PDGFRL: variants seen among roughly 807,000 people sequenced by gnomAD.
PDGFRL encodes platelet-derived growth factor receptor-like protein.
PDGFRL carries 46 observed loss-of-function variants against 37.2 expected under a neutral mutation model. The ratio of observed to expected loss-of-function variants is 1.24; its 90% confidence interval spans 0.98 to 1.58. The LOEUF (loss-of-function observed/expected upper bound fraction) is 1.58. Ranked by LOEUF, PDGFRL falls within the 40% of genes most tolerant of loss-of-function variation. The pLI is 0.00. For missense variants in PDGFRL, 692 were observed against 467.6 expected, an observed-to-expected ratio of 1.48 and a Z score of -4.43; for synonymous variants, 251 against 184.3, an observed-to-expected ratio of 1.36 and a Z score of -2.93.
intron 5 of PDGFRL, among the ~76,000 whole-genome samples, chr8:17,641,806 G>A (rs926275226): frequency 6.6e-6 from 1 of 151,050 alleles, no homozygotes; most frequent in African/African-American, 2.4e-5. Flanking sequence ...TGTCTCTGGG[G>A]AATAGTGTTT....
At chr8:17,630,858 C>T (rs1297056902) in intron 4 of PDGFRL, among the ~76,000 whole-genome samples, 1 of 152,136 alleles carries the variant, frequency 6.6e-6, no homozygotes, top group Non-Finnish European at 1.5e-5. Flanking sequence ...TCCCATGCAG[C>T]CTCGCCTTCT....
chr8:17,600,296 C>A (rs1174357640), intron 2 of PDGFRL, among the ~76,000 whole-genome samples: 5 of 152,128 alleles, frequency 3.3e-5, no homozygotes, highest in Non-Finnish European at 7.3e-5. Flanking sequence ...CCTTTGCAGT[C>A]CTGTGTCCTT....
In PDGFRL at chr8:17,635,784, G is replaced by A. The variant is rs192390670; in HGVS notation, c.939+1571G>A. Among the ~76,000 whole-genome samples the A allele has an allele frequency of 2.3e-3, 346 of 152,110 alleles. 1 individual carries two copies. Among genetic ancestry groups the A allele is most frequent in the African/African-American group, 7.9e-3 (330 of 41,534 alleles). On this transcript the variant is annotated intron_variant, in intron 5 of 5. Coordinates refer to ENST00000251630, the MANE Select transcript of PDGFRL (RefSeq NM_001372073.1). ...TTTTCACCACATCCATGCCAACATCGATTATTTTTTAATTTTTAAATTATG... is the reference window on the plus strand; with the variant it reads ...TTTTCACCACATCCATGCCAACATCAATTATTTTTTAATTTTTAAATTATG...
chr8:17,625,832 T>TA (rs1804722747), intron 3 of PDGFRL, among the ~76,000 whole-genome samples: 1 of 151,092 alleles, frequency 6.6e-6, no homozygotes, highest in Non-Finnish European at 1.5e-5. Context: ...CTAGAAAAAC[T>TA]AAAAAATAAA....
intron 1 of PDGFRL, among the ~76,000 whole-genome samples, chr8:17,578,793 C>T (rs1323230720): frequency 6.6e-6 from 1 of 152,132 alleles, no homozygotes; most frequent in East Asian, 1.9e-4. Flanking sequence ...AAGTGTAATC[C>T]ATACAAACAA....
At position 17,606,886 on chromosome 8, in the gene PDGFRL, G is replaced by GTTTTTTTTT. The variant is rs371085758; in HGVS notation, c.354-14158_354-14157insTTTTTTTTT. On this transcript the variant is annotated intron_variant, in intron 2 of 5. Coordinates refer to ENST00000251630, the MANE Select transcript of PDGFRL (RefSeq NM_001372073.1). ...AGAAACAGCCAGTTTTTCGTTTTTT[G>GTTTTTTTTT]TTTTTTTGTTTTTTTTTTTTTTTTT... 2.9e-5 allele frequency among the ~76,000 whole-genome samples: 4 copies of GTTTTTTTTT among 138,260 alleles called. 1 individual carries two copies. The highest frequency in any genetic ancestry group is 4.5e-5 in the Non-Finnish European group (3 of 66,192). The allele number at this position is 138,260 out of a possible 152,430, so 90.7% of individuals were successfully genotyped here.
At chr8:17,623,290 T>G (rs1585326505) in intron 3 of PDGFRL, among the ~76,000 whole-genome samples, 1 of 152,302 alleles carries the variant, frequency 6.6e-6, no homozygotes, top group Middle Eastern at 3.4e-3. Context: ...ACTGGTGTTG[T>G]CAGGAGAATT....
At chr8:17,615,671 T>C (rs1804508439) in intron 2 of PDGFRL, among the ~76,000 whole-genome samples, 1 of 152,126 alleles carries the variant, frequency 6.6e-6, no homozygotes, top group Non-Finnish European at 1.5e-5. Context: ...ATCCCAGCAC[T>C]TGGGGAGGCT....
intron 1 of PDGFRL, among the ~76,000 whole-genome samples, chr8:17,585,840 T>C (rs1255169013): frequency 6.6e-6 from 1 of 152,238 alleles, no homozygotes; most frequent in Non-Finnish European, 1.5e-5. Context: ...TGAATAAGAT[T>C]TGATTGTGAT....
chr8:17,589,484 T>G lies in PDGFRL; in HGVS notation c.72T>G (p.Leu24=). 1 of 1,612,986 alleles carries G rather than the reference T, an allele frequency of 6.2e-7. No homozygotes were observed. Among genetic ancestry groups the G allele is most frequent in the Non-Finnish European group, 8.5e-7 (1 of 1,179,496 alleles). Residue 24 remains leucine (L), a synonymous_variant, in exon 2 of 6, where the codon CTT becomes CTG. Coordinates refer to ENST00000251630, the MANE Select transcript of PDGFRL (RefSeq NM_001372073.1). ...EALEDVTGQH[L]PKNKRPKEPG... ...GTTTTGCAGTTACTGGCCAACACCTTCCCAAGAACAAGCGTCCAAAAGAAC... is the reference window on the plus strand; with the variant it reads ...GTTTTGCAGTTACTGGCCAACACCTGCCCAAGAACAAGCGTCCAAAAGAAC...
intron 1 of PDGFRL, among the ~76,000 whole-genome samples, chr8:17,583,506 G>A (rs925098967): frequency 6.6e-6 from 1 of 152,152 alleles, no homozygotes; most frequent in Non-Finnish European, 1.5e-5. Context: ...AGATTTCGGG[G>A]ACTATTGGGA....
intron 2 of PDGFRL, among the ~76,000 whole-genome samples, chr8:17,616,418 C>T (rs1033549999): frequency 6.6e-6 from 1 of 152,116 alleles, no homozygotes; most frequent in Non-Finnish European, 1.5e-5. Flanking sequence ...TGGTCTCGAT[C>T]TCTTGACGTC....
intron 2 of PDGFRL, among the ~76,000 whole-genome samples, chr8:17,617,858 G>A (rs962332474): frequency 1.3e-5 from 2 of 152,036 alleles, no homozygotes; most frequent in Non-Finnish European, 2.9e-5. Flanking sequence ...GCAAATGCTC[G>A]GCCCAGAGAA....
intron 2 of PDGFRL, among the ~76,000 whole-genome samples, chr8:17,613,282 A>G (rs911039016): frequency 3.3e-5 from 5 of 152,136 alleles, no homozygotes; most frequent in African/African-American, 1.2e-4. Flanking sequence ...TGTGGTGTCA[A>G]GGGGATATAC....
At chr8:17,619,471 T>C (rs1001108734) in intron 2 of PDGFRL, among the ~76,000 whole-genome samples, 2 of 151,948 alleles carry the variant, frequency 1.3e-5, no homozygotes, top group Non-Finnish European at 2.9e-5. Flanking sequence ...GGAAGAAAAA[T>C]AAAAGAAGAA....
chr8:17,642,580 C>T, intron 5 of PDGFRL, 33 bp from the exon 6 acceptor site: 2 of 1,411,418 alleles, frequency 1.4e-6, no homozygotes, highest in Admixed American at 3.4e-5. Flanking sequence ...GCTTGTCCCT[C>T]TTGCTTCAGT....
intron 2 of PDGFRL, among the ~76,000 whole-genome samples, chr8:17,613,497 G>A (rs1160585251): frequency 6.6e-6 from 1 of 152,170 alleles, no homozygotes; most frequent in African/African-American, 2.4e-5. Flanking sequence ...GCAGGGGTGA[G>A]AGTGATGCCG....
intron 2 of PDGFRL, among the ~76,000 whole-genome samples, chr8:17,602,798 C>T (rs1804193936): frequency 6.6e-6 from 1 of 152,100 alleles, no homozygotes; most frequent in African/African-American, 2.4e-5. Context: ...CAGGTTTCAG[C>T]TGTGCTACAA....
Position 17,642,640 on chromosome 8 carries a change from A to C in PDGFRL, c.967A>C (p.Thr323Pro), listed in dbSNP as rs371263363. ...KDERPVTIQD[T>P]WRLIHRGLGH... ...TGAAAGGCCTGTGACGATCCAAGACACTTGGAGGTTGATCCACAGAGGACT... is the reference window on the plus strand; with the variant it reads ...TGAAAGGCCTGTGACGATCCAAGACCCTTGGAGGTTGATCCACAGAGGACT... Residue 323 changes from threonine (T) to proline (P), a missense_variant, in exon 6 of 6, where the codon ACT becomes CCT. By Grantham distance (38) the Thr-to-Pro change is conservative (BLOSUM62 -1). Transcript: ENST00000251630. 2.5e-6 allele frequency: 4 copies of C among 1,609,426 alleles called. No individual in the cohort carries two copies. The African/African-American group carries it at 5.3e-5, about 21-fold the overall frequency.
Sources: allele counts gnomAD v4.1 joint callset (sites outside exome capture counted in the v4.1 genomes callset), GRCh38; gene constraint gnomAD v4.1.1; transcripts MANE v1.5; gene names NCBI Gene and HGNC (gene_info 2026-07-23, HGNC 2026-07-21).